Variants in SORCS1 observed in about 807,000 individuals in gnomAD.
SORCS1 encodes the protein VPS10 domain-containing receptor SorCS1.
A neutral mutation model predicts 146.1 loss-of-function variants in SORCS1; 60 were observed. The ratio of observed to expected loss-of-function variants is 0.41; its 90% CI spans 0.33 to 0.51. The LOEUF is 0.51. Among genes scored for constraint, SORCS1 ranks in the 20% least tolerant of loss-of-function variants. The pLI is 0.21. For missense variants in SORCS1, 1,352 were observed against 1,487.6 expected, an observed-to-expected ratio of 0.91 and a Z score of 1.50; for synonymous variants, 637 against 584.0, an observed-to-expected ratio of 1.09 and a Z score of -1.31.
upstream of SORCS1, among the ~76,000 whole-genome samples, chr10:107,165,771 A>G (rs145737657): frequency 2.6e-3 from 400 of 152,336 alleles, no homozygotes; most frequent in Non-Finnish European, 4.3e-3. The surrounding 1 kb of genome is among the most constrained non-coding windows in gnomAD (Gnocchi z 4.0). Flanking sequence ...CAAGTCTGTG[A>G]TGGTGCTCTG....
At chr10:106,628,128 T>C (rs1303294290) in intron 19 of SORCS1, among the ~76,000 whole-genome samples, 3 of 152,086 alleles carry the variant, frequency 2.0e-5, no homozygotes, top group Non-Finnish European at 4.4e-5. Flanking sequence ...CAGACCCAAA[T>C]AAAGGAGTGC....
intron 2 of SORCS1, among the ~76,000 whole-genome samples, chr10:106,922,600 G>C (rs1589711612): frequency 2.0e-5 from 3 of 152,152 alleles, no homozygotes; most frequent in South Asian, 4.2e-4. Context: ...TATGACTCCT[G>C]TCCCCCTCCC....
intron 24 of SORCS1, among the ~76,000 whole-genome samples, chr10:106,592,707 G>A (rs1359516839): frequency 6.6e-6 from 1 of 151,778 alleles, no homozygotes; most frequent in Admixed American, 6.6e-5. Flanking sequence ...CTGCCTACAG[G>A]GGGGATGAGA....
intron 3 of SORCS1, among the ~76,000 whole-genome samples, chr10:106,787,470 T>C (rs550107465): frequency 7.2e-5 from 11 of 152,330 alleles, no homozygotes; most frequent in Admixed American, 1.3e-4. Flanking sequence ...ATTTTATTAT[T>C]TTTTAAAATT....
chr10:106,953,057 C>A (rs1954770442), intron 2 of SORCS1, among the ~76,000 whole-genome samples: 1 of 151,676 alleles, frequency 6.6e-6, no homozygotes, highest in African/African-American at 2.4e-5. Flanking sequence ...ATATCACATA[C>A]CTGAAGTAGT....
chr10:106,690,770 T>C (rs1263048200), intron 9 of SORCS1, among the ~76,000 whole-genome samples: 2 of 152,224 alleles, frequency 1.3e-5, no homozygotes, highest in Non-Finnish European at 2.9e-5. Flanking sequence ...TGTTTTCTTT[T>C]GTTGCTTTGG....
chr10:106,795,012 T>C (rs944511675), intron 3 of SORCS1, among the ~76,000 whole-genome samples: 20 of 152,340 alleles, frequency 1.3e-4, no homozygotes, highest in Middle Eastern at 3.4e-3. Context: ...TTTATTTCTA[T>C]AGCTATGAAA....
chr10:107,130,664 C>G (rs1178628906), intron 1 of SORCS1, among the ~76,000 whole-genome samples: 4 of 152,002 alleles, frequency 2.6e-5, no homozygotes, highest in Non-Finnish European at 5.9e-5. Flanking sequence ...CACTTTGGCC[C>G]TTATCCTACC....
chr10:106,945,787 G>A (rs142700418), intron 2 of SORCS1, among the ~76,000 whole-genome samples: 60 of 152,342 alleles, frequency 3.9e-4, no homozygotes, highest in Admixed American at 2.6e-3. Flanking sequence ...TCAGCAGGGT[G>A]TCAATCACTG....
chr10:106,617,327 TCTC>T (rs1467964368), intron 21 of SORCS1, among the ~76,000 whole-genome samples: 5 of 151,986 alleles, frequency 3.3e-5, no homozygotes, highest in Admixed American at 2.0e-4. Flanking sequence ...AGCATTTCCT[TCTC>T]CTATCTAATT....
intron 6 of SORCS1, among the ~76,000 whole-genome samples, chr10:106,722,887 TA>T (rs1328806698): frequency 1.3e-5 from 2 of 152,178 alleles, no homozygotes; most frequent in East Asian, 3.8e-4. Context: ...CAAATATGCA[TA>T]AAATGTGGCA....
intron 8 of SORCS1, among the ~76,000 whole-genome samples, chr10:106,703,595 A>G (rs1286263168): frequency 1.3e-5 from 2 of 152,198 alleles, no homozygotes; most frequent in Non-Finnish European, 2.9e-5. Flanking sequence ...TTTTTTGAGC[A>G]CAGCTCAGGG....
chr10:106,594,318 T>A (rs146065728), intron 24 of SORCS1, among the ~76,000 whole-genome samples: 1 of 152,242 alleles, frequency 6.6e-6, no homozygotes, highest in Non-Finnish European at 1.5e-5. Context: ...TCTTTTAAAA[T>A]TTTTTAAATT....
rs559973153 is a variant in SORCS1, at chr10:106,611,780, T to C, written c.3033+131A>G. The C allele has an allele frequency of 1.1e-5, 8 of 706,190 alleles. No homozygotes were observed. In the East Asian group the frequency reaches 2.2e-4, roughly 19 times the overall value. 43.7% of individuals were successfully genotyped at this position (706,190 alleles called of 1,614,324 possible). On this transcript the variant is annotated intron_variant, in intron 22 of 25. Transcript: ENST00000263054. ...AGCTTTGCAGACATCAGGCCAGAAC[T>C]TCCCATGGGCTCTAGCTTCTTCCTG...
chr10:106,866,567 C>T (rs368751841), intron 2 of SORCS1, among the ~76,000 whole-genome samples: 7 of 152,152 alleles, frequency 4.6e-5, no homozygotes, highest in African/African-American at 1.4e-4. Context: ...TGCCAAGCTG[C>T]GATCTGCAGC....
chr10:106,835,407 G>T (rs1473019135), intron 2 of SORCS1, among the ~76,000 whole-genome samples: 1 of 152,074 alleles, frequency 6.6e-6, no homozygotes, highest in Non-Finnish European at 1.5e-5. Flanking sequence ...ATTGTTTTTG[G>T]TGTTCTTTGC....
chr10:106,816,878 TA>T (rs998727197), intron 3 of SORCS1, among the ~76,000 whole-genome samples: 16 of 152,278 alleles, frequency 1.1e-4, no homozygotes, highest in African/African-American at 3.8e-4. Flanking sequence ...AATTGGTGCC[TA>T]GGGGTAAAGG....
At chr10:106,934,663 C>T (rs752145871) in intron 2 of SORCS1, among the ~76,000 whole-genome samples, 10 of 152,184 alleles carry the variant, frequency 6.6e-5, no homozygotes, top group Non-Finnish European at 1.3e-4. Context: ...AACCAACCTA[C>T]ATGCCCATCA....
intron 3 of SORCS1, among the ~76,000 whole-genome samples, chr10:106,817,592 G>T (rs765093132): frequency 6.6e-6 from 1 of 152,022 alleles, no homozygotes; most frequent in African/African-American, 2.4e-5. Flanking sequence ...TTACATAAAC[G>T]ATCTATCAAA....
Sources: allele counts gnomAD v4.1 joint callset (sites outside exome capture counted in the v4.1 genomes callset), GRCh38; gene constraint gnomAD v4.1.1; non-coding constraint Gnocchi (gnomAD v3.1); transcripts MANE v1.5; gene names NCBI Gene and HGNC (gene_info 2026-07-23, HGNC 2026-07-21).